The following ITSN2 variants were observed in gnomAD, a reference collection of about 807,000 sequenced individuals.
ITSN2 encodes intersectin 2, also known as intersectin-2.
ITSN2 carries 156 observed loss-of-function variants against 243.7 expected under a neutral mutation model. That is an observed-to-expected ratio of 0.64 (90% CI 0.56 to 0.73). ITSN2 has a LOEUF of 0.73. Ranked by LOEUF, ITSN2 falls within the 30% of genes least tolerant of loss-of-function variation. The pLI is 0.00. For missense variants in ITSN2, 1,801 were observed against 1,996.1 expected (o/e 0.90, Z 1.86); for synonymous variants, 703 against 699.9 (o/e 1.00, Z -0.07).
intron 17 of ITSN2, among the ~76,000 whole-genome samples, chr2:24,276,991 T>C (rs1678091141): frequency 6.6e-6 from 1 of 152,208 alleles, no homozygotes. Context: ...GAAAGGGTAC[T>C]ATAGAAGCTG....
At chr2:24,318,196 G>A (rs1429086011) in intron 2 of ITSN2, among the ~76,000 whole-genome samples, 2 of 152,096 alleles carry the variant, frequency 1.3e-5, no homozygotes, top group African/African-American at 4.8e-5. Context: ...TGCCCAGGCT[G>A]GAGTACAGAG....
chr2:24,273,927 A>G (rs1477611627), intron 18 of ITSN2, among the ~76,000 whole-genome samples: 1 of 152,222 alleles, frequency 6.6e-6, no homozygotes, highest in Non-Finnish European at 1.5e-5. Flanking sequence ...ATGTGGTACT[A>G]AGACCCAGCT....
intron 2 of ITSN2, among the ~76,000 whole-genome samples, chr2:24,320,309 G>A (rs1312288204): frequency 6.6e-6 from 1 of 151,342 alleles, no homozygotes; most frequent in African/African-American, 2.4e-5. Flanking sequence ...CATGAGGTCA[G>A]GAGATCGAGA....
rs145130770 is a variant in ITSN2, at chr2:24,202,884, C to T, written c.*742G>A. The T allele has an allele frequency of 0.015, 2,327 of 152,682 alleles. 23 individuals carry two copies. The highest frequency in any genetic ancestry group is 0.022 in the Non-Finnish European group (1,504 of 68,016). The allele number at this position is 152,682 out of a possible 1,614,324, so 9.5% of individuals were successfully genotyped here. ...CGAAGTTCCATCCATAAACATATGT[C>T]TTTATTCTCTTTCTGTACATATGGG... On this transcript the variant is annotated 3_prime_UTR_variant, in exon 40 of 40. Transcript: ENST00000355123.
At chr2:24,341,052 T>G (rs193078504) in intron 1 of ITSN2, among the ~76,000 whole-genome samples, 5 of 152,164 alleles carry the variant, frequency 3.3e-5, no homozygotes, top group Non-Finnish European at 5.9e-5. Flanking sequence ...AAAGGTAGAA[T>G]AGACAGGATT....
At chr2:24,226,529 AC>A in intron 29 of ITSN2, among the ~76,000 whole-genome samples, 1 of 152,194 alleles carries the variant, frequency 6.6e-6, no homozygotes, top group Non-Finnish European at 1.5e-5. Flanking sequence ...GGTGGCTCAC[AC>A]CTGTAATCCA....
At chr2:24,319,431 T>C (rs949207479) in intron 2 of ITSN2, among the ~76,000 whole-genome samples, 4 of 152,166 alleles carry the variant, frequency 2.6e-5, no homozygotes, top group Non-Finnish European at 5.9e-5. Flanking sequence ...GGAAGCACCT[T>C]ATGAGTCTGC....
chr2:24,254,310 T>C (rs1302205579), intron 24 of ITSN2, 57 bp downstream of exon 24: 1 of 1,075,586 alleles, frequency 9.3e-7, no homozygotes, highest in Admixed American at 1.7e-5. Flanking sequence ...TGAAGTCAGG[T>C]AGTTAGTCAA....
chr2:24,256,178 T>C (rs1438316777), intron 23 of ITSN2, among the ~76,000 whole-genome samples: 1 of 152,188 alleles, frequency 6.6e-6, no homozygotes, highest in African/African-American at 2.4e-5. Flanking sequence ...GAGCCATGAT[T>C]GCGCCACTGC....
chr2:24,326,313 A>G (rs1393691553), intron 2 of ITSN2, among the ~76,000 whole-genome samples: 1 of 152,182 alleles, frequency 6.6e-6, no homozygotes, highest in East Asian at 1.9e-4. Flanking sequence ...TCAATGTTAT[A>G]TTTTATATAT....
intron 1 of ITSN2, among the ~76,000 whole-genome samples, chr2:24,346,965 A>G (rs1687596277): frequency 6.7e-6 from 1 of 149,240 alleles, no homozygotes; most frequent in Non-Finnish European, 1.5e-5. Flanking sequence ...CCCGGTTTCA[A>G]GTGATTCTCC....
chr2:24,291,709 C>T (rs543660931), intron 15 of ITSN2, among the ~76,000 whole-genome samples: 15 of 151,978 alleles, frequency 9.9e-5, no homozygotes, highest in Admixed American at 2.0e-4. Flanking sequence ...AGGATGATCT[C>T]GATCTCTTGA....
At chr2:24,318,156 A>T (rs973940281) in intron 2 of ITSN2, among the ~76,000 whole-genome samples, 8 of 151,874 alleles carry the variant, frequency 5.3e-5, no homozygotes, top group African/African-American at 1.5e-4. Flanking sequence ...TTTCTTTTTT[A>T]AAAAATTTAG....
chr2:24,286,888 C>CT (rs1171256699), intron 15 of ITSN2, among the ~76,000 whole-genome samples: 4 of 151,980 alleles, frequency 2.6e-5, no homozygotes, highest in Non-Finnish European at 5.9e-5. Context: ...TTTATATTAT[C>CT]TTTTTTTACA....
intron 1 of ITSN2, among the ~76,000 whole-genome samples, chr2:24,339,374 G>T (rs1028128374): frequency 2.6e-5 from 4 of 151,866 alleles, no homozygotes; most frequent in Non-Finnish European, 5.9e-5. Flanking sequence ...AGGAAGCTGA[G>T]GTGGGAGGGT....
At chr2:24,248,945 G>T in intron 25 of ITSN2, 63 bp from the exon 26 acceptor site, 1 of 1,466,410 alleles carries the variant, frequency 6.8e-7, no homozygotes, top group Non-Finnish European at 9.5e-7. Flanking sequence ...AAAGTATAAA[G>T]GTTAATGGGA....
At chr2:24,224,465 G>A (rs1169990998) in intron 29 of ITSN2, among the ~76,000 whole-genome samples, 2 of 152,156 alleles carry the variant, frequency 1.3e-5, no homozygotes, top group Non-Finnish European at 2.9e-5. Flanking sequence ...AAAACCACAA[G>A]TATTGGCCAC....
intron 30 of ITSN2, 50 bp from the exon 31 acceptor site, chr2:24,218,063 C>A (rs1670133476): frequency 8.4e-7 from 1 of 1,195,920 alleles, no homozygotes. Context: ...GGATACACAG[C>A]CTACGTGTGG....
chr2:24,322,769 A>C (rs903521759), intron 2 of ITSN2, among the ~76,000 whole-genome samples: 1 of 152,216 alleles, frequency 6.6e-6, no homozygotes, highest in African/African-American at 2.4e-5. Flanking sequence ...GGACACTCTT[A>C]AGAAAAGGAA....
Sources: allele counts gnomAD v4.1 joint callset (sites outside exome capture counted in the v4.1 genomes callset), GRCh38; gene constraint gnomAD v4.1.1; transcripts MANE v1.5; gene names NCBI Gene and HGNC (gene_info 2026-07-23, HGNC 2026-07-21).